The following SETDB1 variants were observed in gnomAD, a reference collection of about 807,000 sequenced individuals.
SETDB1 encodes histone-lysine N-methyltransferase SETDB1.
Under a neutral mutation model 137.4 loss-of-function variants are expected in SETDB1, and 31 were observed. That is an observed-to-expected ratio of 0.23 (90% confidence interval 0.17 to 0.30). SETDB1 has a LOEUF of 0.30. SETDB1 is among the 10% of genes least tolerant of loss of function. The probability of loss-of-function intolerance (pLI) is 1.00; values close to 1 mark genes in which losing one functional copy is unlikely to be tolerated. For synonymous variants in SETDB1, 548 were observed against 579.9 expected (o/e 0.95, Z 0.79); for missense variants, 1,113 against 1,631.5 (o/e 0.68, Z 5.47).
chr1:150,946,754 T>C, intron 9 of SETDB1, 132 bp from the exon 10 acceptor site: 1 of 1,056,144 alleles, frequency 9.5e-7, no homozygotes, highest in Non-Finnish European at 1.4e-6. Context: ...TGTGCTTAGC[T>C]TAGACTAAGG....
intron 9 of SETDB1, 147 bp from the exon 10 acceptor site, chr1:150,946,739 G>A: frequency 1.2e-6 from 1 of 845,982 alleles, no homozygotes; most frequent in South Asian, 1.8e-5. Context: ...ACAGGCGTGA[G>A]CCACTGTGCT....
chr1:150,931,882 T>C (rs1246548930), intron 3 of SETDB1, among the ~76,000 whole-genome samples: 3 of 151,950 alleles, frequency 2.0e-5, no homozygotes, highest in Non-Finnish European at 4.4e-5. Context: ...GTTTGAGAGA[T>C]TTTATCATAG....
At chr1:150,939,367 A>T (rs587769622) in intron 3 of SETDB1, among the ~76,000 whole-genome samples, 1 of 150,156 alleles carries the variant, frequency 6.7e-6, no homozygotes, top group East Asian at 2.0e-4. Context: ...TCGTTCTGTC[A>T]ACCAGGCTGG....
chr1:150,960,516 A>G (rs765563061), intron 15 of SETDB1, 47 bp from the exon 16 acceptor site: 4 of 1,504,862 alleles, frequency 2.7e-6, no homozygotes, highest in Non-Finnish European at 3.6e-6. Flanking sequence ...AAAAAAACTA[A>G]TAGGTCCCCA....
Position 150,942,996 on chromosome 1 carries a change from A to G in SETDB1, c.818A>G (p.Gln273Arg). The G allele has an allele frequency of 6.2e-7, 1 of 1,614,174 alleles. No individual in the cohort carries two copies. Among genetic ancestry groups the G allele is most frequent in the Non-Finnish European group, 8.5e-7 (1 of 1,180,008 alleles). ...GTCGCCAAATACAAAGATGGGAATC[A>G]GGTCTGGCTCTATGCTGGCATTGTA... ...RVVAKYKDGN[Q>R]VWLYAGIVAE... The change falls in exon 7 of 22, where the codon CAG (glutamine) becomes CGG (arginine). Residue 273 changes from glutamine to arginine, a missense_variant. Physicochemically the swap from Gln to Arg is conservative, Grantham distance 43. Around this residue, in one of 11 missense-constraint regions of SETDB1, gnomAD observed 154 missense variants for 303.1 expected, o/e 0.51. Coordinates refer to ENST00000692827, the MANE Select transcript of SETDB1 (RefSeq NM_001366418.1).
chr1:150,952,362 A>G (rs1042281213), intron 14 of SETDB1, among the ~76,000 whole-genome samples: 1 of 152,118 alleles, frequency 6.6e-6, no homozygotes, highest in Non-Finnish European at 1.5e-5. Flanking sequence ...CTTGCAATAG[A>G]ATGGAGGTGA....
At chr1:150,933,202 A>G (rs1041846228) in intron 3 of SETDB1, among the ~76,000 whole-genome samples, 1 of 151,484 alleles carries the variant, frequency 6.6e-6, no homozygotes, top group Non-Finnish European at 1.5e-5. Flanking sequence ...TGGAACTAAA[A>G]GTACATGCCG....
At chr1:150,948,997 G>T in intron 10 of SETDB1, 125 bp from the exon 11 acceptor site, 1 of 990,062 alleles carries the variant, frequency 1.0e-6, no homozygotes, top group South Asian at 1.7e-5. Context: ...GGGATTACAG[G>T]CAAGAGCCAC....
intron 14 of SETDB1, 30 bp from the exon 15 acceptor site, chr1:150,959,148 G>A (rs375629306): frequency 3.6e-5 from 54 of 1,500,776 alleles, no homozygotes; most frequent in South Asian, 5.4e-5. Context: ...TGATCATACC[G>A]TGATTGATTT....
rs1480541761 is a variant in SETDB1 at position 150,960,855 on chromosome 1, C to T, written c.2796C>T (p.Thr932=). Residue 932 remains threonine, a synonymous_variant, in exon 16 of 22, where the codon ACC becomes ACT. Transcript: ENST00000692827. ...VWRSYATRRQ[T]RGQKENGLSE... ...GGAGCTATGCTACCCGGAGGCAGAC[C>T]CGGGGCCAGAAAGAGAACGGACTCT... 2 of 1,605,220 alleles carry T rather than the reference C, an allele frequency of 1.2e-6. No homozygotes were observed. The highest frequency in any genetic ancestry group is 1.1e-5 in the South Asian group (1 of 89,560).
intron 4 of SETDB1, among the ~76,000 whole-genome samples, 196 bp from the exon 5 acceptor site, chr1:150,941,133 A>G (rs1318116318): frequency 6.6e-6 from 1 of 152,192 alleles, no homozygotes; most frequent in East Asian, 1.9e-4. Context: ...ATTGCACTCC[A>G]GCCTGGGCAA....
intron 21 of SETDB1, 73 bp from the exon 22 acceptor site, chr1:150,964,174 A>G (rs960403221): frequency 1.2e-5 from 18 of 1,520,658 alleles, no homozygotes; most frequent in Non-Finnish European, 1.6e-5. Context: ...AACTCCACCT[A>G]CATATTCAGT....
In SETDB1 at chr1:150,949,288, ATTCT is replaced by A. The variant is rs781105381; in HGVS notation, c.1424+17_1424+20del. 6.8e-6 allele frequency: 11 copies of A among 1,612,850 alleles called. No homozygotes were observed. The highest frequency in any genetic ancestry group is 8.5e-6 in the Non-Finnish European group (10 of 1,179,330). ...AAGCAGGTGACAGTGAGTGAGTGTT[ATTCT>A]TTCTTTTTCTTCAGTTTCTTTCATA... On this transcript the variant is annotated intron_variant, in intron 11 of 21. Coordinates refer to ENST00000692827, the MANE Select transcript of SETDB1 (RefSeq NM_001366418.1).
At chr1:150,959,472 CT>C (rs1670752455) in intron 15 of SETDB1, 125 bp downstream of exon 15, 1 of 763,244 alleles carries the variant, frequency 1.3e-6, no homozygotes, top group African/African-American at 1.8e-5. Flanking sequence ...AGGCCAGGGA[CT>C]TCTACAAAGA....
intron 3 of SETDB1, among the ~76,000 whole-genome samples, chr1:150,933,252 G>A (rs1336921785): frequency 6.6e-6 from 1 of 151,726 alleles, no homozygotes; most frequent in Non-Finnish European, 1.5e-5. Flanking sequence ...TAGAGATAAG[G>A]TCTCACTATG....
intron 17 of SETDB1, 79 bp from the exon 18 acceptor site, chr1:150,962,508 C>T (rs1300461449): frequency 2.1e-6 from 3 of 1,428,646 alleles, no homozygotes; most frequent in Non-Finnish European, 2.9e-6. Context: ...GTCTCCAAAT[C>T]TGCCTTCTCT....
Position 150,961,083 on chromosome 1 carries a change from T to A in SETDB1, c.3024T>A (p.Asn1008Lys), listed in dbSNP as rs746164748. ...ATAGCCATTCATCCTTCAAGACTAA[T>A]GAAGGTGGGGAGGGCCGGGCTGGGG... ...DSDSHSSFKT[N>K]EGGEGRAGGS... The change falls in exon 16 of 22, where the codon AAT becomes AAA. Residue 1008 changes from asparagine (N) to lysine (K), a missense_variant. This residue lies in a region of SETDB1 where 373 missense variants were observed against 412.7 expected (regional missense o/e 0.90). Transcript: ENST00000692827. 2 of 1,612,736 alleles carry A rather than the reference T, an allele frequency of 1.2e-6. No individual in the cohort carries two copies. Among genetic ancestry groups the A allele is most frequent in the Non-Finnish European group, 1.7e-6 (2 of 1,179,564 alleles).
intron 1 of SETDB1, chr1:150,926,937 A>C (rs1256127988): frequency 2.2e-6 from 1 of 460,736 alleles, no homozygotes; most frequent in African/African-American, 2.0e-5. Context: ...GAAGCAAAGT[A>C]ATATAAGGGG....
In SETDB1 at chr1:150,944,011, A is replaced by G. The variant is rs1021906462; in HGVS notation, c.949+18A>G. On this transcript the variant is annotated intron_variant, in intron 8 of 21. Coordinates refer to ENST00000692827, the MANE Select transcript of SETDB1 (RefSeq NM_001366418.1). ...CCGGCCACGTGAGTGTTTCTCCCTT[A>G]TTCCTTAGCTCAGTTTTCTCCTCTA... 10 of 1,557,246 alleles carry G rather than the reference A, an allele frequency of 6.4e-6. No individual in the cohort carries two copies. The highest frequency in any genetic ancestry group is 8.9e-6 in the Non-Finnish European group (10 of 1,128,244).
Sources: gnomAD v4.1 joint callset for allele counts (sites outside exome capture counted in the v4.1 genomes callset) on GRCh38, gnomAD v4.1.1 for gene constraint, gnomAD v4.1.1 regional missense constraint, MANE v1.5 for transcripts, NCBI Gene and HGNC (gene_info 2026-07-23, HGNC 2026-07-21) for gene names.